Variants in RRP12 observed in about 807,000 individuals in gnomAD.
The protein encoded by RRP12 is RRP12-like protein.
In RRP12, 78 loss-of-function variants were observed where a neutral mutation model predicts 157.3. That is an observed-to-expected ratio of 0.50 (90% CI 0.41 to 0.60). The LOEUF (loss-of-function observed/expected upper bound fraction) is 0.60, where lower values mean the gene tolerates loss of function less well. RRP12 is among the 20% of genes least tolerant of loss of function. The pLI is 0.00. For missense variants in RRP12, 1,521 were observed against 1,679.9 expected (o/e 0.91, Z 1.65); for synonymous variants, 726 against 670.9 (o/e 1.08, Z -1.27).
chr10:97,379,596 C>A (rs754300508), intron 14 of RRP12, 32 bp downstream of exon 14: 13 of 1,611,032 alleles, frequency 8.1e-6, no homozygotes, highest in Non-Finnish European at 1.1e-5. Context: ...AAGCCTGGGG[C>A]TTGTCAGGAA....
chr10:97,398,022 T>TAC (rs1564772490), intron 2 of RRP12, among the ~76,000 whole-genome samples: 21 of 70,308 alleles, frequency 3.0e-4, no homozygotes, highest in Non-Finnish European at 6.1e-4. Context: ...TATATATATA[T>TAC]GTATATATAT....
intron 5 of RRP12, 34 bp from the exon 6 acceptor site, chr10:97,390,573 G>T: frequency 6.5e-7 from 1 of 1,544,542 alleles, no homozygotes; most frequent in Non-Finnish European, 8.9e-7. Context: ...AGTGCCACCA[G>T]CCTCGGCCAG....
At chr10:97,399,063 C>T (rs1189507627) in intron 2 of RRP12, among the ~76,000 whole-genome samples, 1 of 152,076 alleles carries the variant, frequency 6.6e-6, no homozygotes, top group Non-Finnish European at 1.5e-5. Context: ...CACCTGAGGT[C>T]AGGAGTTTGA....
At position 97,398,037 on chromosome 10, in the gene RRP12, G is replaced by T. The variant is rs12262070; in HGVS notation, c.370-1736C>A. Among the ~76,000 whole-genome samples, 309 of 36,526 alleles carry T rather than the reference G, an allele frequency of 8.5e-3. 5 individuals are homozygous for T. Among genetic ancestry groups the T allele is most frequent in the African/African-American group, 0.026 (203 of 7,748 alleles). The allele number at this position is 36,526 out of a possible 152,430, so 24.0% of individuals were successfully genotyped here. Reference sequence around the variant, plus strand: ...TATATATATATGTATATATATATACGTATTTTTTTTTTTTTTTTTTTTTTT... The same window carrying T: ...TATATATATATGTATATATATATACTTATTTTTTTTTTTTTTTTTTTTTTT... On this transcript the variant is annotated intron_variant, in intron 2 of 33. Transcript: ENST00000370992.
At chr10:97,374,732 A>AT (rs2133055733) in intron 15 of RRP12, among the ~76,000 whole-genome samples, 1 of 143,868 alleles carries the variant, frequency 7.0e-6, no homozygotes, top group South Asian at 2.3e-4. Context: ...AGATCGTGCT[A>AT]TTGCACAACA....
At position 97,366,120 on chromosome 10, in the gene RRP12, C is replaced by T. The variant is rs765900499; in HGVS notation, c.3505G>A (p.Glu1169Lys). The T allele has an allele frequency of 1.2e-6, 2 of 1,604,032 alleles. No homozygotes were observed. The highest frequency in any genetic ancestry group is 1.7e-6 in the Non-Finnish European group (2 of 1,179,902). Residue 1169 changes from glutamate to lysine, a missense_variant, in exon 29 of 34, where the codon GAA (glutamate) becomes AAA (lysine). Physicochemically the swap from Glu to Lys is moderately conservative, Grantham distance 56. Transcript: ENST00000370992. ...GCGTTGGGCCCACCTTTGGCACCTT[C>T]CTCTTCCTCCATCTTGTTGCCGTCT... Reference protein sequence around the residue: ...EADGNKMEEEEGAKGEDEEMA... With the variant: ...EADGNKMEEEKGAKGEDEEMA...
chr10:97,378,522 C>T (rs1844372490), intron 15 of RRP12, among the ~76,000 whole-genome samples: 1 of 152,216 alleles, frequency 6.6e-6, no homozygotes, highest in East Asian at 1.9e-4. Context: ...CGTCATGTGG[C>T]GTGTGACTGT....
In RRP12 at chr10:97,356,857, C is replaced by T; in HGVS notation, c.*237G>A. 2.2e-6 allele frequency: 1 copy of T among 450,962 alleles called. No homozygotes were observed. The highest frequency in any genetic ancestry group is 4.1e-5 in the Admixed American group (1 of 24,168). 27.9% of individuals were successfully genotyped at this position (450,962 alleles called of 1,614,324 possible). On this transcript the variant is annotated 3_prime_UTR_variant, in exon 34 of 34. Transcript: ENST00000370992. ...GGCAGAAAGCAAAGGTGCCTCATGG[C>T]ACCTACTCAGAGGCACTGAGGCCAC...
chr10:97,367,019 C>A (rs200982551), intron 26 of RRP12, 22 bp downstream of exon 26: 1 of 1,612,956 alleles, frequency 6.2e-7, no homozygotes, highest in Non-Finnish European at 8.5e-7. Flanking sequence ...GCCCTACCCC[C>A]GCCCCTGCTC....
chr10:97,375,261 T>TAAAA (rs11378492), intron 15 of RRP12, among the ~76,000 whole-genome samples: 1 of 137,296 alleles, frequency 7.3e-6, no homozygotes, highest in African/African-American at 2.7e-5. Context: ...CCTGGCTAAC[T>TAAAA]AAAAAAAAAA....
At chr10:97,379,108 G>A (rs1438821181) in intron 15 of RRP12, among the ~76,000 whole-genome samples, 185 bp downstream of exon 15, 1 of 152,184 alleles carries the variant, frequency 6.6e-6, no homozygotes, top group Non-Finnish European at 1.5e-5. Flanking sequence ...ACCTGGCCTC[G>A]CCTTGGAGCA....
chr10:97,371,009 C>G lies in RRP12; in HGVS notation c.2416G>C (p.Gly806Arg). Residue 806 changes from glycine (G) to arginine (R), a missense_variant, in exon 21 of 34, where the codon GGG (glycine) becomes CGG (arginine). Gly to Arg is a moderately radical substitution (Grantham distance 125, BLOSUM62 -2). Coordinates refer to ENST00000370992, the MANE Select transcript of RRP12 (RefSeq NM_015179.4). ...AGGTGGCTCTGCACGAAGAGGGCCC[C>G]GGGGCCCTGAGGACTGGCACACACC... ...EEVCASPQGP[G>R]ALFVQSHLED... 1 of 1,613,944 alleles carries G rather than the reference C, an allele frequency of 6.2e-7. No homozygotes were observed. Among genetic ancestry groups the G allele is most frequent in the Non-Finnish European group, 8.5e-7 (1 of 1,179,986 alleles).
chr10:97,393,622 G>A (rs1291797759), intron 4 of RRP12, 62 bp downstream of exon 4: 2 of 1,244,202 alleles, frequency 1.6e-6, no homozygotes, highest in Non-Finnish European at 2.4e-6. Flanking sequence ...TGTTTCTCCT[G>A]TCCACATTCC....
intron 33 of RRP12, among the ~76,000 whole-genome samples, 194 bp from the exon 34 acceptor site, chr10:97,357,390 C>T (rs1843739004): frequency 1.3e-5 from 2 of 152,278 alleles, no homozygotes; most frequent in South Asian, 4.1e-4. Flanking sequence ...GGACATTCCA[C>T]TTTGGCACAA....
Position 97,367,151 on chromosome 10 carries a change from G to A in RRP12, c.2956-19C>T. Reference sequence around the variant, plus strand: ...CTTCCATCTGCCGGACAGAGCACCAGGCTTTCAGGGAGGCGAGCCTTCCAT... The same window carrying A: ...CTTCCATCTGCCGGACAGAGCACCAAGCTTTCAGGGAGGCGAGCCTTCCAT... On this transcript the variant is annotated intron_variant, in intron 25 of 33. Coordinates refer to ENST00000370992, the MANE Select transcript of RRP12 (RefSeq NM_015179.4). 6.2e-7 allele frequency: 1 copy of A among 1,609,978 alleles called. No individual in the cohort carries two copies. Among genetic ancestry groups the A allele is most frequent in the Middle Eastern group, 1.7e-4 (1 of 6,052 alleles).
In RRP12 at chr10:97,373,069, A is replaced by G. The variant is rs1395175090; in HGVS notation, c.2158T>C (p.Tyr720His). 6.2e-7 allele frequency: 1 copy of G among 1,613,520 alleles called. No homozygotes were observed. Among genetic ancestry groups the G allele is most frequent in the South Asian group, 1.1e-5 (1 of 91,006 alleles). The stretch of plus-strand genomic sequence containing the variant: ...ACCTGAGTGTCAGTGATGGTGAGGT[A>G]AGTTCTGATGGTTTCCAGCACAGCC... ...RRAVLETIRT[Y>H]LTITDTQLVN... The change falls in exon 18 of 34, where the codon TAC becomes CAC. Residue 720 changes from tyrosine (Y) to histidine (H), a missense_variant. By Grantham distance (83) the Tyr-to-His change is moderately conservative. Coordinates refer to ENST00000370992, the MANE Select transcript of RRP12 (RefSeq NM_015179.4).
chr10:97,379,880 C>T (rs1844419507), intron 13 of RRP12, 110 bp from the exon 14 acceptor site: 1 of 1,078,618 alleles, frequency 9.3e-7, no homozygotes, highest in Non-Finnish European at 1.3e-6. Context: ...TTCAACGCTA[C>T]ACCAGAGGGT....
At chr10:97,359,124 G>A in intron 31 of RRP12, 114 bp from the exon 32 acceptor site, 1 of 721,824 alleles carries the variant, frequency 1.4e-6, no homozygotes, top group Non-Finnish European at 2.3e-6. Flanking sequence ...TGAAGGCCAG[G>A]AACTTGGCTC....
intron 11 of RRP12, 88 bp downstream of exon 11, chr10:97,381,627 G>A: frequency 7.6e-7 from 1 of 1,308,386 alleles, no homozygotes. Flanking sequence ...CTGGGCCCGA[G>A]CTGGTAGCCT....
Sources: gnomAD v4.1 joint callset for allele counts (sites outside exome capture counted in the v4.1 genomes callset) on GRCh38, gnomAD v4.1.1 for gene constraint, MANE v1.5 for transcripts, NCBI Gene and HGNC (gene_info 2026-07-23, HGNC 2026-07-21) for gene names.